ATAD2B: variants seen among roughly 807,000 people sequenced by gnomAD.
The protein encoded by ATAD2B is ATPase family AAA domain containing 2B, also known as ATPase family AAA domain-containing protein 2B.
Under a neutral mutation model 167.6 loss-of-function variants are expected in ATAD2B, and 40 were observed. The ratio of observed to expected loss-of-function variants is 0.24; its 90% CI spans 0.19 to 0.31. The LOEUF is 0.31. Ranked by LOEUF, ATAD2B falls within the 10% of genes least tolerant of loss-of-function variation. ATAD2B has a pLI of 1.00. For missense variants in ATAD2B, 1,242 were observed against 1,757.2 expected, an observed-to-expected ratio of 0.71 and a Z score of 5.24; for synonymous variants, 579 against 596.5, an observed-to-expected ratio of 0.97 and a Z score of 0.43.
chr2:23,762,118 G>C, intron 24 of ATAD2B, 91 bp downstream of exon 24: 15 of 1,347,398 alleles, frequency 1.1e-5, no homozygotes, highest in Non-Finnish European at 1.5e-5. Flanking sequence ...TATGGGAAAA[G>C]AGCGGCACTT....
chr2:23,804,838 A>T (rs1168828367), intron 18 of ATAD2B, among the ~76,000 whole-genome samples: 1 of 152,102 alleles, frequency 6.6e-6, no homozygotes, highest in Non-Finnish European at 1.5e-5. Context: ...AACCTTTCTC[A>T]CTTTGAAAAT....
At chr2:23,921,036 C>T (rs71437501) in intron 1 of ATAD2B, among the ~76,000 whole-genome samples, 1 of 151,820 alleles carries the variant, frequency 6.6e-6, no homozygotes. Flanking sequence ...GAAGCCCTGT[C>T]TCTACTAAAA....
chr2:23,804,940 C>G lies in ATAD2B; in HGVS notation c.2454+5376G>C, dbSNP rs931810481. Among the ~76,000 whole-genome samples the G allele has an allele frequency of 4.0e-5, 6 of 151,640 alleles. No homozygotes were observed. The South Asian group carries it at 1.3e-3, about 32-fold the overall frequency. ...GGTAGATCACCTGAGGTCAGGAGTT[C>G]CAGACCAGCCTGGCCAACATGGTGA... On this transcript the variant is annotated intron_variant, in intron 18 of 27. Coordinates refer to ENST00000238789, the MANE Select transcript of ATAD2B (RefSeq NM_017552.4).
chr2:23,804,106 C>T (rs1282937363), intron 18 of ATAD2B, among the ~76,000 whole-genome samples: 1 of 152,180 alleles, frequency 6.6e-6, no homozygotes, highest in Non-Finnish European at 1.5e-5. Flanking sequence ...TGTTTCAGCA[C>T]CTGACTCATG....
chr2:23,881,355 CAATTCTTTT>C (rs1697866983), intron 6 of ATAD2B, among the ~76,000 whole-genome samples: 1 of 131,846 alleles, frequency 7.6e-6, no homozygotes. Flanking sequence ...CATGAGTGAT[CAATTCTTTT>C]TTTTTTTTTT....
chr2:23,819,048 T>C (rs1687034965), intron 17 of ATAD2B, among the ~76,000 whole-genome samples: 1 of 152,206 alleles, frequency 6.6e-6, no homozygotes, highest in Non-Finnish European at 1.5e-5. Flanking sequence ...TAAAGTTTAT[T>C]ACAAATTAAA....
At chr2:23,889,491 T>C (rs528775993) in intron 2 of ATAD2B, among the ~76,000 whole-genome samples, 1 of 152,096 alleles carries the variant, frequency 6.6e-6, no homozygotes, top group African/African-American at 2.4e-5. Context: ...TCTATGTGGT[T>C]TGCACAAATT....
At chr2:23,885,967 T>TA (rs1698610586) in intron 4 of ATAD2B, 138 bp from the exon 5 acceptor site, 1 of 546,188 alleles carries the variant, frequency 1.8e-6, no homozygotes. Flanking sequence ...TTTTTTTAGA[T>TA]AGAGTGTCCC....
chr2:23,819,687 C>T, intron 17 of ATAD2B, 60 bp downstream of exon 17: 2 of 1,305,248 alleles, frequency 1.5e-6, no homozygotes, highest in South Asian at 2.8e-5. Context: ...TACCATAATT[C>T]TAATCATAAA....
chr2:23,875,772 A>G, intron 8 of ATAD2B, 57 bp downstream of exon 8: 1 of 1,131,034 alleles, frequency 8.8e-7, no homozygotes. Flanking sequence ...AGAAAGAAAG[A>G]CACAATTAGT....
intron 23 of ATAD2B, among the ~76,000 whole-genome samples, chr2:23,763,172 T>C (rs1191484298): frequency 2.0e-5 from 3 of 152,212 alleles, no homozygotes; most frequent in African/African-American, 7.2e-5. Context: ...TTGGGAGTAT[T>C]AGTATCTACT....
At chr2:23,841,524 T>C (rs1247354165) in intron 13 of ATAD2B, among the ~76,000 whole-genome samples, 1 of 152,054 alleles carries the variant, frequency 6.6e-6, no homozygotes, top group East Asian at 1.9e-4. Flanking sequence ...TTTTTTCTTT[T>C]CTTTGTGGAG....
At chr2:23,765,656 TA>T (rs1677303657) in intron 22 of ATAD2B, 28 bp from the exon 23 acceptor site, 1 of 1,267,928 alleles carries the variant, frequency 7.9e-7, no homozygotes, top group Admixed American at 3.5e-5. Context: ...ATATATTTAT[TA>T]TAGAAACAAA....
At chr2:23,718,351 A>G in the ATAD2B span, among the ~76,000 whole-genome samples, 1 of 152,364 alleles carries the variant, frequency 6.6e-6, no homozygotes, top group South Asian at 2.1e-4. Context: ...TGGCCATGAT[A>G]GCAGAAGTAT....
intron 8 of ATAD2B, chr2:23,872,548 C>A: frequency 9.9e-7 from 1 of 1,006,592 alleles, no homozygotes; most frequent in South Asian, 1.3e-5. Flanking sequence ...CCTTCAGACT[C>A]TCACAGGAGG....
chr2:23,804,423 G>A (rs1421587369), intron 18 of ATAD2B, among the ~76,000 whole-genome samples: 1 of 152,094 alleles, frequency 6.6e-6, no homozygotes, highest in African/African-American at 2.4e-5. Context: ...TCTAGAGTAA[G>A]CTCGACTTCT....
intron 1 of ATAD2B, among the ~76,000 whole-genome samples, chr2:23,906,454 T>C (rs989258852): frequency 2.6e-5 from 4 of 152,236 alleles, no homozygotes; most frequent in Non-Finnish European, 5.9e-5. Context: ...AAAGAAATAT[T>C]AGAACTATTA....
chr2:23,917,269 G>A (rs559892844), intron 1 of ATAD2B, among the ~76,000 whole-genome samples: 2 of 152,276 alleles, frequency 1.3e-5, no homozygotes, highest in South Asian at 4.1e-4. Flanking sequence ...CAAGACTAGA[G>A]AACATACTTT....
chr2:23,857,143 A>G (rs1693556275), intron 13 of ATAD2B, among the ~76,000 whole-genome samples: 3 of 152,212 alleles, frequency 2.0e-5, no homozygotes, highest in Admixed American at 6.5e-5. Context: ...GAACTCTACT[A>G]TTGTAGCACA....
Sources: gnomAD v4.1 joint callset for allele counts (sites outside exome capture counted in the v4.1 genomes callset) on GRCh38, gnomAD v4.1.1 for gene constraint, MANE v1.5 for transcripts, NCBI Gene and HGNC (gene_info 2026-07-23, HGNC 2026-07-21) for gene names.